Variants in KLHL29 observed in about 807,000 individuals in gnomAD.
KLHL29 encodes the protein kelch-like protein 29.
A neutral mutation model predicts 80.4 loss-of-function variants in KLHL29; 21 were observed. The observed-to-expected ratio is 0.26, with a 90% CI of 0.19 to 0.38. The LOEUF (loss-of-function observed/expected upper bound fraction) is 0.38, where lower values mean the gene tolerates loss of function less well. Ranked by LOEUF, KLHL29 falls within the 10% of genes least tolerant of loss-of-function variation. The probability of loss-of-function intolerance (pLI) is 1.00; values close to 1 mark genes in which losing one functional copy is unlikely to be tolerated. For missense variants in KLHL29, 867 were observed against 1,223.9 expected, an observed-to-expected ratio of 0.71 and a Z score of 4.35; for synonymous variants, 511 against 526.8, an observed-to-expected ratio of 0.97 and a Z score of 0.41.
At chr2:23,625,256 A>G (rs1669279992) in intron 3 of KLHL29, among the ~76,000 whole-genome samples, 1 of 152,208 alleles carries the variant, frequency 6.6e-6, no homozygotes, top group Non-Finnish European at 1.5e-5. Flanking sequence ...AACTCACTCC[A>G]CTTACTGTGA....
Position 23,495,681 on chromosome 2 carries a change from G to A in KLHL29, c.-46+20014G>A, listed in dbSNP as rs534400784. Among the ~76,000 whole-genome samples, 3 of 152,296 alleles carry A rather than the reference G, an allele frequency of 2.0e-5. No homozygotes were observed. In the South Asian group the frequency reaches 6.2e-4, roughly 32 times the overall value. The stretch of plus-strand genomic sequence containing the variant: ...CACTGTACCCACAGCTCCAGCGAGA[G>A]TGACGGCCCCTCCTGGCATCGTGTC... On this transcript the variant is annotated intron_variant, in intron 2 of 13. Transcript: ENST00000486442.
chr2:23,683,049 A>G (rs1378818268), intron 5 of KLHL29, among the ~76,000 whole-genome samples: 1 of 152,244 alleles, frequency 6.6e-6, no homozygotes, highest in Non-Finnish European at 1.5e-5. Flanking sequence ...AGGGAGCAGA[A>G]GCAGGATCCT....
intron 3 of KLHL29, among the ~76,000 whole-genome samples, chr2:23,575,085 T>TC (rs896255107): frequency 7.9e-5 from 12 of 152,028 alleles, no homozygotes; most frequent in Non-Finnish European, 1.8e-4. Flanking sequence ...CATTTGCTCC[T>TC]CCCCCAACAG....
At chr2:23,416,305 G>A (rs1472040594) in intron 1 of KLHL29, among the ~76,000 whole-genome samples, 2 of 152,202 alleles carry the variant, frequency 1.3e-5, no homozygotes, top group Non-Finnish European at 2.9e-5. Flanking sequence ...GGGACTGGAT[G>A]TCTTGCAGCT....
At chr2:23,536,677 C>T (rs1044084534) in intron 2 of KLHL29, among the ~76,000 whole-genome samples, 1 of 152,124 alleles carries the variant, frequency 6.6e-6, no homozygotes, top group East Asian at 1.9e-4. Flanking sequence ...TGATCTCTCT[C>T]CGTGAAGGTT....
chr2:23,392,617 A>G (rs1666346103), intron 1 of KLHL29, among the ~76,000 whole-genome samples: 1 of 152,240 alleles, frequency 6.6e-6, no homozygotes, highest in African/African-American at 2.4e-5. Context: ...CACATTTTAC[A>G]AATGAAGATG....
At chr2:23,487,561 C>T (rs964426395) in intron 2 of KLHL29, among the ~76,000 whole-genome samples, 1 of 152,086 alleles carries the variant, frequency 6.6e-6, no homozygotes, top group Non-Finnish European at 1.5e-5. Flanking sequence ...CCTCTCCTGC[C>T]ATGCCATCAC....
In KLHL29 at chr2:23,682,664, GCTCCTGCACC is replaced by G. The variant is rs1467661021; in HGVS notation, c.941-1730_941-1721del. On this transcript the variant is annotated intron_variant, in intron 5 of 13. Transcript: ENST00000486442. The surrounding 1 kb of genome is among the most constrained non-coding windows in gnomAD (Gnocchi z 4.1). ...TGTCCACCTGCACCTGCCCCCTCGT[GCTCCTGCACC>G]CTCCCACACCCTCCCGCACCCTCCC... Among the ~76,000 whole-genome samples, 1 of 151,746 alleles carries G rather than the reference GCTCCTGCACC, an allele frequency of 6.6e-6. No individual in the cohort carries two copies. Among genetic ancestry groups the G allele is most frequent in the Non-Finnish European group, 1.5e-5 (1 of 67,922 alleles).
At chr2:23,417,080 A>G (rs1212668738) in intron 1 of KLHL29, among the ~76,000 whole-genome samples, 1 of 151,792 alleles carries the variant, frequency 6.6e-6, no homozygotes, top group Non-Finnish European at 1.5e-5. Context: ...TCCACCCCCA[A>G]CATAGAGCTG....
intron 2 of KLHL29, among the ~76,000 whole-genome samples, chr2:23,496,072 G>A (rs540041348): frequency 2.6e-5 from 4 of 152,322 alleles, no homozygotes; most frequent in East Asian, 1.9e-4. Context: ...ATGGCCACCC[G>A]TGTGTCCTTC....
chr2:23,557,211 G>A (rs939230065), intron 2 of KLHL29, among the ~76,000 whole-genome samples: 6 of 152,088 alleles, frequency 3.9e-5, no homozygotes, highest in African/African-American at 9.7e-5. Flanking sequence ...CCTCAACACC[G>A]CTCTGGGCAC....
chr2:23,605,926 C>T (rs1049177024), intron 3 of KLHL29, among the ~76,000 whole-genome samples: 1 of 152,062 alleles, frequency 6.6e-6, no homozygotes, highest in Non-Finnish European at 1.5e-5. Flanking sequence ...CCCACCACCA[C>T]GCCCGGCTAA....
chr2:23,477,558 AGC>A, intron 2 of KLHL29, among the ~76,000 whole-genome samples: 1 of 152,384 alleles, frequency 6.6e-6, no homozygotes, highest in Non-Finnish European at 1.5e-5. Context: ...CAGTGGGGGC[AGC>A]CAGAGGAGAG....
intron 1 of KLHL29, among the ~76,000 whole-genome samples, chr2:23,425,764 C>T (rs1327168365): frequency 6.6e-6 from 1 of 152,170 alleles, no homozygotes. Context: ...AACTGGCTGT[C>T]ACATGACTTG....
Position 23,706,789 on chromosome 2 carries a change from AAC to A in KLHL29, c.*127_*128del, listed in dbSNP as rs1387648754. The stretch of plus-strand genomic sequence containing the variant: ...CACAATCAAGGAACTCACTGCGCTC[AAC>A]ATGTTGAATATTCTCTACATTGAAT... On this transcript the variant is annotated 3_prime_UTR_variant, in exon 14 of 14. Coordinates refer to ENST00000486442, the MANE Select transcript of KLHL29 (RefSeq NM_052920.2). 1 of 630,294 alleles carries A rather than the reference AAC, an allele frequency of 1.6e-6. No individual in the cohort carries two copies. The highest frequency in any genetic ancestry group is 1.9e-5 in the African/African-American group (1 of 53,628). 39.0% of individuals were successfully genotyped at this position (630,294 alleles called of 1,614,324 possible). A position where few individuals can be genotyped will look rare whatever the true frequency, so the allele number is the denominator to read the frequency against.
intron 1 of KLHL29, among the ~76,000 whole-genome samples, chr2:23,395,196 A>G (rs1315675852): frequency 6.6e-6 from 1 of 152,214 alleles, no homozygotes; most frequent in African/African-American, 2.4e-5. Context: ...GGTCCAGTCC[A>G]GGAATTTCCC....
intron 1 of KLHL29, 71 bp downstream of exon 1, chr2:23,385,851 T>TGGGGC (rs1666161252): frequency 1.3e-5 from 2 of 150,414 alleles, no homozygotes; most frequent in South Asian, 3.8e-4. Context: ...GGCCGCCGCG[T>TGGGGC]GGGGCCGGGC....
At chr2:23,391,402 C>T (rs1005690137) in intron 1 of KLHL29, among the ~76,000 whole-genome samples, 9 of 152,126 alleles carry the variant, frequency 5.9e-5, no homozygotes, top group Non-Finnish European at 1.2e-4. Context: ...TGGGTCTATA[C>T]CCAGAAGTGG....
chr2:23,635,684 A>G (rs2149153180), intron 3 of KLHL29, among the ~76,000 whole-genome samples: 2 of 152,380 alleles, frequency 1.3e-5, no homozygotes, highest in East Asian at 3.9e-4. Context: ...AGCCAAGAGA[A>G]GCCTGCTCAG....
Sources: allele counts gnomAD v4.1 joint callset (sites outside exome capture counted in the v4.1 genomes callset), GRCh38; gene constraint gnomAD v4.1.1; non-coding constraint Gnocchi (gnomAD v3.1); transcripts MANE v1.5; gene names NCBI Gene and HGNC (gene_info 2026-07-23, HGNC 2026-07-21).